NAV2: variants seen among roughly 807,000 people sequenced by gnomAD.
The protein encoded by NAV2 is neuron navigator 2.
NAV2 carries 54 observed loss-of-function variants against 223.2 expected under a neutral mutation model. The observed-to-expected ratio is 0.24, with a 90% CI of 0.19 to 0.30. The LOEUF (loss-of-function observed/expected upper bound fraction) is 0.30, where lower values mean the gene tolerates loss of function less well. Ranked by LOEUF, NAV2 falls within the 10% of genes least tolerant of loss-of-function variation. The pLI, the probability that NAV2 is intolerant of heterozygous loss-of-function variation, is 1.00. For missense variants in NAV2, 2,806 were observed against 3,147.5 expected (o/e 0.89, Z 2.60); for synonymous variants, 1,279 against 1,239.3 (o/e 1.03, Z -0.67).
In NAV2 at chr11:19,975,674, C is replaced by G. The variant is rs370055188; in HGVS notation, c.2646-8451C>G. On this transcript the variant is annotated intron_variant, in intron 10 of 37. Transcript: ENST00000349880. ...GAGATTGAGCCTGTGTGCTAAAACTCAGGGTAACGTGAATTGTAGCAATGC... is the reference window on the plus strand; with the variant it reads ...GAGATTGAGCCTGTGTGCTAAAACTGAGGGTAACGTGAATTGTAGCAATGC... Among the ~76,000 whole-genome samples, 8 of 152,304 alleles carry G rather than the reference C, an allele frequency of 5.3e-5. No homozygotes were observed. In the East Asian group the frequency reaches 1.4e-3, roughly 26 times the overall value.
intron 1 of NAV2, among the ~76,000 whole-genome samples, chr11:19,821,058 T>G (rs186126406): frequency 1.3e-5 from 2 of 152,112 alleles, no homozygotes; most frequent in African/African-American, 2.4e-5. Flanking sequence ...GTCAGAAGAT[T>G]GAGACCATCC....
intron 1 of NAV2, among the ~76,000 whole-genome samples, chr11:19,763,800 G>T (rs77553763): frequency 0.01 from 878 of 87,504 alleles, 5 homozygotes; most frequent in African/African-American, 0.038. Context: ...TGTTTTTTTT[G>T]TTTTTTTTTT....
At position 19,989,651 on chromosome 11, in the gene NAV2, T is replaced by G. The variant is rs1431332394; in HGVS notation, c.2768+5404T>G. Among the ~76,000 whole-genome samples the G allele has an allele frequency of 3.9e-5, 6 of 152,216 alleles. No homozygotes were observed. The East Asian group carries it at 1.2e-3, about 29-fold the overall frequency. On this transcript the variant is annotated intron_variant, in intron 11 of 37. Coordinates refer to ENST00000349880, the MANE Select transcript of NAV2 (RefSeq NM_145117.5). ...ACCAGTAATAGTTGCCATTTCCTGA[T>G]GGGTTGCTCTATGCCAGGAACTGTG...
intron 1 of NAV2, among the ~76,000 whole-genome samples, chr11:19,807,704 T>C (rs950824814): frequency 5.9e-5 from 9 of 152,190 alleles, no homozygotes; most frequent in Admixed American, 2.6e-4. Context: ...ACTGAAGTTC[T>C]CACCCACCCA....
At chr11:19,723,938 C>A (rs947854956) in intron 1 of NAV2, among the ~76,000 whole-genome samples, 2 of 152,304 alleles carry the variant, frequency 1.3e-5, no homozygotes, top group East Asian at 3.9e-4. Flanking sequence ...TCAGACCTTC[C>A]GGTGTGCAAG....
chr11:19,977,276 T>C (rs1462303932), intron 10 of NAV2, among the ~76,000 whole-genome samples: 1 of 152,224 alleles, frequency 6.6e-6, no homozygotes, highest in East Asian at 1.9e-4. Flanking sequence ...ACTGTGTGGA[T>C]TGTGCAGTCT....
At chr11:19,362,491 C>T (rs920592518) in intron 1 of NAV2, among the ~76,000 whole-genome samples, 5 of 152,070 alleles carry the variant, frequency 3.3e-5, no homozygotes, top group African/African-American at 4.8e-5. Flanking sequence ...TTTAAAAGTT[C>T]GTCAATGTAC....
At chr11:19,778,663 T>TCAAAC (rs2056489453) in intron 1 of NAV2, among the ~76,000 whole-genome samples, 2 of 152,208 alleles carry the variant, frequency 1.3e-5, no homozygotes, top group African/African-American at 4.8e-5. Flanking sequence ...TCATACTTCT[T>TCAAAC]GTGTTATGTT....
intron 1 of NAV2, among the ~76,000 whole-genome samples, chr11:19,562,358 C>A (rs866477921): frequency 6.6e-6 from 1 of 152,146 alleles, no homozygotes; most frequent in African/African-American, 2.4e-5. Context: ...TGTTGACAAG[C>A]AGAGTAGCCC....
intron 22 of NAV2, among the ~76,000 whole-genome samples, chr11:20,075,861 A>C (rs1468977310): frequency 2.0e-5 from 3 of 151,026 alleles, no homozygotes; most frequent in Non-Finnish European, 4.4e-5. Flanking sequence ...GCATGATCAA[A>C]TCTCACATCT....
At chr11:19,388,971 G>A (rs544116430) in intron 1 of NAV2, among the ~76,000 whole-genome samples, 1 of 152,296 alleles carries the variant, frequency 6.6e-6, no homozygotes, top group African/African-American at 2.4e-5. Flanking sequence ...CAGAGTTAAT[G>A]ATCTCCCTAC....
At chr11:19,361,568 G>A (rs1298989514) in intron 1 of NAV2, among the ~76,000 whole-genome samples, 1 of 152,000 alleles carries the variant, frequency 6.6e-6, no homozygotes, top group African/African-American at 2.4e-5. Context: ...TTCCTCCCTG[G>A]ATGCCATCCA....
chr11:19,472,119 T>C (rs2041983601), intron 1 of NAV2, among the ~76,000 whole-genome samples: 1 of 152,232 alleles, frequency 6.6e-6, no homozygotes, highest in Non-Finnish European at 1.5e-5. Flanking sequence ...GGGTCTCAGT[T>C]TGTTCATCTG....
At chr11:19,747,013 G>T in intron 1 of NAV2, among the ~76,000 whole-genome samples, 1 of 131,556 alleles carries the variant, frequency 7.6e-6, no homozygotes, top group Admixed American at 8.6e-5. Context: ...TTTAGCATTA[G>T]GTATATCTCC....
At chr11:19,937,714 A>G (rs1028657661) in intron 7 of NAV2, among the ~76,000 whole-genome samples, 2 of 152,242 alleles carry the variant, frequency 1.3e-5, no homozygotes, top group Admixed American at 6.5e-5. Context: ...AGTACCTAGC[A>G]TCTTCTGAGA....
At chr11:19,376,769 G>T (rs554383157) in intron 1 of NAV2, among the ~76,000 whole-genome samples, 2 of 152,316 alleles carry the variant, frequency 1.3e-5, no homozygotes, top group Admixed American at 6.5e-5. Context: ...GAAAAACAAA[G>T]AATGGACACT....
intron 1 of NAV2, among the ~76,000 whole-genome samples, chr11:19,730,523 A>G (rs542698170): frequency 1.3e-4 from 20 of 152,224 alleles, no homozygotes; most frequent in Non-Finnish European, 2.4e-4. Context: ...CAGGCAGTGC[A>G]GTGCTGGCTC....
intron 3 of NAV2, among the ~76,000 whole-genome samples, chr11:19,853,503 T>C (rs2061254032): frequency 6.6e-6 from 1 of 152,154 alleles, no homozygotes; most frequent in Non-Finnish European, 1.5e-5. Flanking sequence ...ATGAGATCTT[T>C]TTTTTGTGTG....
At chr11:19,620,765 C>G (rs1269986399) in intron 1 of NAV2, among the ~76,000 whole-genome samples, 1 of 152,170 alleles carries the variant, frequency 6.6e-6, no homozygotes, top group Non-Finnish European at 1.5e-5. Flanking sequence ...CTTCTCCTGC[C>G]TGATTGCCCT....
Sources: gnomAD v4.1 joint callset for allele counts (sites outside exome capture counted in the v4.1 genomes callset) on GRCh38, gnomAD v4.1.1 for gene constraint, MANE v1.5 for transcripts, NCBI Gene and HGNC (gene_info 2026-07-23, HGNC 2026-07-21) for gene names.